The following SLC4A4 variants were observed in gnomAD, a reference collection of about 807,000 sequenced individuals.
SLC4A4 encodes solute carrier family 4 member 4.
Under a neutral mutation model 111.5 loss-of-function variants are expected in SLC4A4, and 27 were observed. The observed-to-expected ratio is 0.24, with a 90% CI of 0.18 to 0.33. The LOEUF is 0.33. SLC4A4 is among the 10% of genes least tolerant of loss of function. The pLI is 1.00. For missense variants in SLC4A4, 909 were observed against 1,315.5 expected, an observed-to-expected ratio of 0.69 and a Z score of 4.78; for synonymous variants, 443 against 463.4, an observed-to-expected ratio of 0.96 and a Z score of 0.57.
chr4:71,488,877 TAGA>T (rs951991725), intron 15 of SLC4A4, among the ~76,000 whole-genome samples: 3 of 134,732 alleles, frequency 2.2e-5, no homozygotes, highest in Admixed American at 7.9e-5. Flanking sequence ...GGAAAGAAGT[TAGA>T]AGAAAAAATG....
intron 7 of SLC4A4, among the ~76,000 whole-genome samples, chr4:71,438,490 C>T (rs1044763781): frequency 1.3e-5 from 2 of 152,144 alleles, no homozygotes; most frequent in Non-Finnish European, 2.9e-5. Flanking sequence ...AACTATTTGA[C>T]AAACTATGTC....
chr4:71,217,730 A>G (rs1255328452), intron 1 of SLC4A4, among the ~76,000 whole-genome samples: 1 of 152,212 alleles, frequency 6.6e-6, no homozygotes, highest in Non-Finnish European at 1.5e-5. Flanking sequence ...GCTGGTCATC[A>G]CTTCTATTTG....
At chr4:71,313,534 A>G (rs1045416952) in intron 3 of SLC4A4, among the ~76,000 whole-genome samples, 6 of 152,220 alleles carry the variant, frequency 3.9e-5, no homozygotes, top group Admixed American at 3.9e-4. Context: ...CTACAAGGCT[A>G]CAGTAACCAA....
At chr4:71,144,507 G>T (rs913531715) in intron 2 of SLC4A4, among the ~76,000 whole-genome samples, 2 of 151,900 alleles carry the variant, frequency 1.3e-5, no homozygotes, top group African/African-American at 4.8e-5. Flanking sequence ...GCTTGATGGG[G>T]ATGGCATTGA....
intron 7 of SLC4A4, among the ~76,000 whole-genome samples, chr4:71,419,629 G>A (rs1014889172): frequency 6.6e-5 from 10 of 152,322 alleles, no homozygotes; most frequent in South Asian, 4.1e-4. Context: ...AAGGGAACTC[G>A]CTGACCCCTT....
At chr4:71,518,596 A>G (rs930812615) in intron 16 of SLC4A4, among the ~76,000 whole-genome samples, 5 of 151,988 alleles carry the variant, frequency 3.3e-5, no homozygotes, top group Non-Finnish European at 7.4e-5. Context: ...ATTGGCAGGG[A>G]CTGGTCTGGA....
At chr4:71,072,411 T>C (rs937999786) in intron 1 of SLC4A4, among the ~76,000 whole-genome samples, 1 of 152,200 alleles carries the variant, frequency 6.6e-6, no homozygotes, top group Non-Finnish European at 1.5e-5. Flanking sequence ...TGTTAGACTT[T>C]CTATTCTGTT....
At position 71,567,897 on chromosome 4, in the gene SLC4A4, G is replaced by C. The variant is rs374465454; in HGVS notation, c.*146G>C. On this transcript the variant is annotated 3_prime_UTR_variant, in exon 26 of 26. Transcript: ENST00000264485. Reference sequence around the variant, plus strand: ...GGGAACAGAAACTACATTGTAACCTGTTTGTCTTTCTTAAAACTGACATTT... The same window carrying C: ...GGGAACAGAAACTACATTGTAACCTCTTTGTCTTTCTTAAAACTGACATTT... 2.1e-6 allele frequency: 3 copies of C among 1,427,918 alleles called. No individual in the cohort carries two copies. The highest frequency in any genetic ancestry group is 1.3e-5 in the South Asian group (1 of 77,128). The allele number at this position is 1,427,918 out of a possible 1,614,324, so 88.5% of individuals were successfully genotyped here.
chr4:71,302,861 A>C (rs571180089), intron 3 of SLC4A4, among the ~76,000 whole-genome samples: 1 of 152,354 alleles, frequency 6.6e-6, no homozygotes, highest in East Asian at 1.9e-4. Context: ...GATGGAAAAC[A>C]TCAAAGTCTA....
At chr4:71,400,331 A>G (rs1202211485) in intron 7 of SLC4A4, among the ~76,000 whole-genome samples, 1 of 152,186 alleles carries the variant, frequency 6.6e-6, no homozygotes, top group East Asian at 1.9e-4. Flanking sequence ...TATGTGGAAC[A>G]TTTTTTGTGG....
chr4:71,379,170 C>G (rs1717846101), intron 6 of SLC4A4, among the ~76,000 whole-genome samples: 1 of 152,106 alleles, frequency 6.6e-6, no homozygotes. Context: ...TCCCTCTGCT[C>G]AAAAACCTTT....
intron 1 of SLC4A4, among the ~76,000 whole-genome samples, chr4:71,067,712 T>A (rs944538319): frequency 2.0e-5 from 3 of 152,110 alleles, no homozygotes; most frequent in Non-Finnish European, 4.4e-5. Flanking sequence ...TAGTTCTTCT[T>A]AAATTGGGGT....
intron 2 of SLC4A4, among the ~76,000 whole-genome samples, chr4:71,177,596 T>C (rs1178107128): frequency 6.6e-6 from 1 of 152,112 alleles, no homozygotes; most frequent in Non-Finnish European, 1.5e-5. Context: ...CATTACATAA[T>C]GGTAAAGGGA....
chr4:71,369,947 G>A (rs540052165), intron 6 of SLC4A4, among the ~76,000 whole-genome samples: 55 of 152,290 alleles, frequency 3.6e-4, no homozygotes, highest in African/African-American at 1.3e-3. Context: ...ACACACGATT[G>A]TGAGAACATA....
chr4:71,513,646 TA>T (rs1284231146), intron 16 of SLC4A4, among the ~76,000 whole-genome samples: 4 of 152,174 alleles, frequency 2.6e-5, no homozygotes, highest in African/African-American at 9.6e-5. Flanking sequence ...TTGCTTCAGT[TA>T]GGACTTCCAG....
At chr4:71,140,307 GCTA>G (rs1210996080) in intron 2 of SLC4A4, among the ~76,000 whole-genome samples, 8 of 152,232 alleles carry the variant, frequency 5.3e-5, no homozygotes, top group African/African-American at 1.9e-4. Context: ...TGAAGTCCCA[GCTA>G]CTCAGGAGGC....
At chr4:71,112,380 AAT>A (rs1578491166) in intron 2 of SLC4A4, among the ~76,000 whole-genome samples, 1 of 152,208 alleles carries the variant, frequency 6.6e-6, no homozygotes, top group African/African-American at 2.4e-5. Context: ...TGTGAAAATA[AAT>A]ATAGTCGGGT....
chr4:71,534,246 G>T lies in SLC4A4; in HGVS notation c.2300G>T (p.Gly767Val), dbSNP rs1481630878. 6.2e-7 allele frequency: 1 copy of T among 1,613,602 alleles called. No homozygotes were observed. Reference sequence around the variant, plus strand: ...TTCAAGCCAACAAGTCCAAACCGAGGTTGGTTCGTTCCACCGTTTGGAGAA... The same window carrying T: ...TTCAAGCCAACAAGTCCAAACCGAGTTTGGTTCGTTCCACCGTTTGGAGAA... The part of the protein sequence containing the change: ...SEFKPTSPNR[G>V]WFVPPFGENP... Residue 767 changes from glycine (G) to valine (V), a missense_variant, in exon 18 of 26, where the codon GGT (glycine) becomes GTT (valine). Physicochemically the swap from Gly to Val is moderately radical, Grantham distance 109. Around this residue, in one of 7 missense-constraint regions of SLC4A4, gnomAD observed 264 missense variants for 356.8 expected, o/e 0.74. Coordinates refer to ENST00000264485, the MANE Select transcript of SLC4A4 (RefSeq NM_001098484.3).
At chr4:71,556,035 G>A (rs1736454214) in intron 21 of SLC4A4, among the ~76,000 whole-genome samples, 1 of 152,052 alleles carries the variant, frequency 6.6e-6, no homozygotes, top group African/African-American at 2.4e-5. Flanking sequence ...GGAAAAGACT[G>A]CATGTCCTGT....
Sources: allele counts gnomAD v4.1 joint callset (sites outside exome capture counted in the v4.1 genomes callset), GRCh38; gene constraint gnomAD v4.1.1; regional missense constraint gnomAD v4.1.1; transcripts MANE v1.5; gene names NCBI Gene and HGNC (gene_info 2026-07-23, HGNC 2026-07-21).